The following GNB1 variants were observed in gnomAD, a reference collection of about 807,000 sequenced individuals.
GNB1 encodes G protein subunit beta 1.
GNB1 carries 2 observed loss-of-function variants against 42.9 expected under a neutral mutation model. That is an observed-to-expected ratio of 0.05 (90% confidence interval 0.02 to 0.15). The LOEUF (loss-of-function observed/expected upper bound fraction) is 0.15. Ranked by LOEUF, GNB1 falls within the 10% of genes least tolerant of loss-of-function variation. The probability of loss-of-function intolerance (pLI) is 1.00; values close to 1 mark genes in which losing one functional copy is unlikely to be tolerated. For synonymous variants in GNB1, 183 were observed against 174.7 expected (o/e 1.05, Z -0.38); for missense variants, 193 against 462.2 (o/e 0.42, Z 5.34).
At chr1:1,888,312 C>G (rs1650266657) in intron 1 of GNB1, among the ~76,000 whole-genome samples, 1 of 151,022 alleles carries the variant, frequency 6.6e-6, no homozygotes, top group Admixed American at 6.6e-5. Context: ...GCGCACTTAA[C>G]TGGGAGGGGG....
intron 1 of GNB1, among the ~76,000 whole-genome samples, chr1:1,846,303 A>G (rs1397170499): frequency 6.6e-6 from 1 of 152,154 alleles, no homozygotes; most frequent in Non-Finnish European, 1.5e-5. Context: ...GCAGTGGCTC[A>G]TGTCTGTAAT....
At position 1,786,872 on chromosome 1, in the gene GNB1, T is replaced by C. The variant is rs1646413356; in HGVS notation, c.*191A>G. 6.5e-6 allele frequency: 1 copy of C among 152,800 alleles called. No individual in the cohort carries two copies. The highest frequency in any genetic ancestry group is 2.1e-4 in the South Asian group (1 of 4,842). 9.5% of individuals were successfully genotyped at this position (152,800 alleles called of 1,614,324 possible). On this transcript the variant is annotated 3_prime_UTR_variant, in exon 12 of 12. Coordinates refer to ENST00000378609, the MANE Select transcript of GNB1 (RefSeq NM_002074.5). ...TTTGTTTTAGTTTACAGCACAGAGA[T>C]CTTTCTCTCAATGGGAATTGTGCTC...
chr1:1,851,488 G>A (rs376781486), intron 1 of GNB1, among the ~76,000 whole-genome samples: 1 of 151,798 alleles, frequency 6.6e-6, no homozygotes, highest in African/African-American at 2.4e-5. Flanking sequence ...GGCTGAGGCA[G>A]GAGAATCGCT....
At chr1:1,868,606 C>T (rs924531203) in intron 1 of GNB1, among the ~76,000 whole-genome samples, 1 of 151,952 alleles carries the variant, frequency 6.6e-6, no homozygotes, top group African/African-American at 2.4e-5. Flanking sequence ...GATGGTGAAA[C>T]CCCGTCTCTA....
At chr1:1,865,529 T>C (rs1157938202) in intron 1 of GNB1, among the ~76,000 whole-genome samples, 1 of 152,168 alleles carries the variant, frequency 6.6e-6, no homozygotes, top group African/African-American at 2.4e-5. Context: ...GAGGTCGCAG[T>C]GAGCCAAGAT....
chr1:1,858,318 C>T, intron 1 of GNB1, among the ~76,000 whole-genome samples: 1 of 152,186 alleles, frequency 6.6e-6, no homozygotes, highest in East Asian at 1.9e-4. Context: ...AAAACACAGA[C>T]TGTCTTCTAA....
chr1:1,796,266 G>C (rs1646545388), intron 7 of GNB1, among the ~76,000 whole-genome samples: 1 of 152,218 alleles, frequency 6.6e-6, no homozygotes, highest in African/African-American at 2.4e-5. Context: ...CAGGGTGCAA[G>C]CATACTCCAT....
intron 1 of GNB1, among the ~76,000 whole-genome samples, chr1:1,884,264 T>C (rs9729928): frequency 6.6e-6 from 1 of 151,830 alleles, no homozygotes; most frequent in Admixed American, 6.6e-5. Context: ...CATGCCTGGG[T>C]AATTTTTTGT....
At chr1:1,825,714 A>C (rs937697228) in intron 2 of GNB1, among the ~76,000 whole-genome samples, 3 of 152,072 alleles carry the variant, frequency 2.0e-5, no homozygotes, top group African/African-American at 7.2e-5. Context: ...AATACAAAAA[A>C]ATTAGCCAGG....
intron 1 of GNB1, among the ~76,000 whole-genome samples, chr1:1,865,293 A>C (rs973715933): frequency 1.3e-5 from 2 of 148,208 alleles, no homozygotes; most frequent in African/African-American, 5.0e-5. Flanking sequence ...AAAAAACCAA[A>C]AAAAAAAAAC....
At chr1:1,857,029 T>C (rs889410717) in intron 1 of GNB1, among the ~76,000 whole-genome samples, 1 of 152,228 alleles carries the variant, frequency 6.6e-6, no homozygotes. Context: ...TTAAATTCAC[T>C]GTCCAATCAC....
At chr1:1,829,298 C>T (rs942133851) in intron 2 of GNB1, among the ~76,000 whole-genome samples, 3 of 152,146 alleles carry the variant, frequency 2.0e-5, no homozygotes, top group South Asian at 2.1e-4. Context: ...TCAGGTGATC[C>T]GCCCGCCTCG....
At chr1:1,872,003 C>CTT (rs570433638) in intron 1 of GNB1, among the ~76,000 whole-genome samples, 3 of 145,932 alleles carry the variant, frequency 2.1e-5, no homozygotes, top group African/African-American at 2.5e-5. Context: ...AATCTTTTTT[C>CTT]TTTTTTTTTT....
intron 1 of GNB1, among the ~76,000 whole-genome samples, chr1:1,868,737 G>A (rs1649081198): frequency 6.6e-6 from 1 of 151,210 alleles, no homozygotes; most frequent in African/African-American, 2.4e-5. Context: ...CCGAGATTGT[G>A]CAACTGCACT....
chr1:1,858,392 T>C (rs1050785513), intron 1 of GNB1, among the ~76,000 whole-genome samples: 2 of 152,196 alleles, frequency 1.3e-5, no homozygotes, highest in Non-Finnish European at 2.9e-5. Flanking sequence ...ATAGAAGCCA[T>C]ATTCTGCATG....
intron 1 of GNB1, among the ~76,000 whole-genome samples, chr1:1,877,290 C>T (rs1443221339): frequency 2.9e-5 from 4 of 138,358 alleles, no homozygotes; most frequent in Non-Finnish European, 4.6e-5. Context: ...ATAAGTGAGA[C>T]TCTGTCTCAA....
chr1:1,841,422 C>T (rs752754568), intron 1 of GNB1, among the ~76,000 whole-genome samples: 4 of 152,108 alleles, frequency 2.6e-5, no homozygotes, highest in Admixed American at 6.6e-5. Context: ...TCAGGTAATC[C>T]GCCTGTTTCA....
chr1:1,849,333 G>C (rs1647854641), intron 1 of GNB1, among the ~76,000 whole-genome samples: 1 of 152,118 alleles, frequency 6.6e-6, no homozygotes, highest in Admixed American at 6.5e-5. Flanking sequence ...CAGTGTGATG[G>C]GATACACTTC....
chr1:1,870,522 C>T (rs1334229748), intron 1 of GNB1, among the ~76,000 whole-genome samples: 1 of 152,204 alleles, frequency 6.6e-6, no homozygotes, highest in African/African-American at 2.4e-5. Context: ...CTATCAAACT[C>T]AGCTTTCTGA....
Sources: allele counts gnomAD v4.1 joint callset (sites outside exome capture counted in the v4.1 genomes callset), GRCh38; gene constraint gnomAD v4.1.1; transcripts MANE v1.5; gene names NCBI Gene and HGNC (gene_info 2026-07-23, HGNC 2026-07-21).